The following GTF2IRD1 variants were observed in gnomAD, a reference collection of about 807,000 sequenced individuals.
GTF2IRD1 encodes GTF2I repeat domain containing 1.
In GTF2IRD1, 26 loss-of-function variants were observed where a neutral mutation model predicts 113.2. That is an observed-to-expected ratio of 0.23 (90% CI 0.17 to 0.32). The LOEUF (loss-of-function observed/expected upper bound fraction) is 0.32, where lower values mean the gene tolerates loss of function less well. Among genes scored for constraint, GTF2IRD1 ranks in the 10% least tolerant of loss-of-function variants. The pLI is 1.00. For missense variants in GTF2IRD1, 864 were observed against 1,280.8 expected (o/e 0.67, Z 4.97); for synonymous variants, 484 against 529.1 (o/e 0.91, Z 1.17).
intron 12 of GTF2IRD1, 58 bp from the exon 13 acceptor site, chr7:74,538,622 A>T: frequency 1.0e-6 from 1 of 971,418 alleles, no homozygotes; most frequent in Non-Finnish European, 1.7e-6. Context: ...GGAAAGAGTC[A>T]CTCTGCCCAG....
intron 2 of GTF2IRD1, among the ~76,000 whole-genome samples, chr7:74,508,738 C>T (rs1439554547): frequency 1.3e-5 from 2 of 151,902 alleles, no homozygotes; most frequent in East Asian, 1.9e-4. Context: ...ACTGGCTCTC[C>T]GCCCTCGTCC....
At chr7:74,580,333 C>T (rs186029740) in intron 22 of GTF2IRD1, among the ~76,000 whole-genome samples, 1 of 152,252 alleles carries the variant, frequency 6.6e-6, no homozygotes, top group East Asian at 1.9e-4. Flanking sequence ...AGTCTCTCCC[C>T]TCTAAACCGC....
intron 1 of GTF2IRD1, among the ~76,000 whole-genome samples, chr7:74,473,010 G>A (rs963645477): frequency 1.5e-4 from 23 of 152,292 alleles, no homozygotes; most frequent in East Asian, 7.7e-4. Flanking sequence ...GAGAGAGTGC[G>A]GTGAAGGCTG....
At chr7:74,455,132 T>G (rs1792879971) in intron 1 of GTF2IRD1, among the ~76,000 whole-genome samples, 1 of 152,116 alleles carries the variant, frequency 6.6e-6, no homozygotes, top group Non-Finnish European at 1.5e-5. Context: ...GGTCCTGCGG[T>G]GGGAGTCTCC....
At chr7:74,503,485 C>T (rs559053511) in intron 1 of GTF2IRD1, among the ~76,000 whole-genome samples, 25 of 152,030 alleles carry the variant, frequency 1.6e-4, no homozygotes, top group African/African-American at 5.1e-4. Flanking sequence ...GCTTTTAGGC[C>T]GGGCTGTAAT....
intron 1 of GTF2IRD1, among the ~76,000 whole-genome samples, chr7:74,491,741 A>G (rs938023531): frequency 9.9e-5 from 15 of 152,064 alleles, no homozygotes; most frequent in African/African-American, 3.6e-4. Context: ...ATGGGCATTT[A>G]GGTTGATTCC....
chr7:74,466,012 C>G (rs1383737636), intron 1 of GTF2IRD1, among the ~76,000 whole-genome samples: 2 of 152,232 alleles, frequency 1.3e-5, no homozygotes, highest in Non-Finnish European at 2.9e-5. Flanking sequence ...CTCAAGTGAT[C>G]CACCCGCCTT....
chr7:74,568,573 G>A lies in GTF2IRD1; in HGVS notation c.2320+8918G>A, dbSNP rs189903538. Reference sequence around the variant, plus strand: ...TGAGTCAGGAGAATGGCGTGAACCCGGGAGGCGGAACTTGCAGTGAGCCGA... The same window carrying A: ...TGAGTCAGGAGAATGGCGTGAACCCAGGAGGCGGAACTTGCAGTGAGCCGA... On this transcript the variant is annotated intron_variant, in intron 22 of 26. Transcript: ENST00000424337. Among the ~76,000 whole-genome samples, 355 of 152,186 alleles carry A rather than the reference G, an allele frequency of 2.3e-3. 1 individual carries two copies. The highest frequency in any genetic ancestry group is 8.1e-3 in the African/African-American group (336 of 41,526).
At chr7:74,558,110 C>A (rs1799709713) in intron 20 of GTF2IRD1, among the ~76,000 whole-genome samples, 1 of 151,704 alleles carries the variant, frequency 6.6e-6, no homozygotes, top group Admixed American at 6.6e-5. Context: ...CCCATCTCTA[C>A]CAAAAACACA....
Position 74,549,575 on chromosome 7 carries a change from C to T in GTF2IRD1, c.1916+2289C>T, listed in dbSNP as rs7793017. Among the ~76,000 whole-genome samples, 1,420 of 152,204 alleles carry T rather than the reference C, an allele frequency of 9.3e-3. 24 individuals carry two copies. Among genetic ancestry groups the T allele is most frequent in the African/African-American group, 0.033 (1,350 of 41,526 alleles). On this transcript the variant is annotated intron_variant, in intron 17 of 26. Transcript: ENST00000424337. ...TGGAGAGCAAGAGTCATGATTCGTG[C>T]AGTAGAAGCAAAGGCTTCAGCAGGC...
At chr7:74,481,963 G>A (rs947454577) in intron 1 of GTF2IRD1, among the ~76,000 whole-genome samples, 1 of 152,110 alleles carries the variant, frequency 6.6e-6, no homozygotes, top group Admixed American at 6.6e-5. Flanking sequence ...GAAACTCATG[G>A]CTGCTAGGCT....
At chr7:74,474,134 T>G (rs1236238621) in intron 1 of GTF2IRD1, among the ~76,000 whole-genome samples, 2 of 151,870 alleles carry the variant, frequency 1.3e-5, no homozygotes, top group East Asian at 3.9e-4. Flanking sequence ...TCCTATCTAT[T>G]TGGGAGGCTG....
rs193016101 is a variant in GTF2IRD1 at position 74,587,903 on chromosome 7, C to T, written c.2321-1948C>T. ...CTGGGCAGTGAGCAGGGAGAATGCA[C>T]GGCCCCCACACTCCCAGACACGGTC... is the stretch of plus-strand genomic sequence containing the variant. On this transcript the variant is annotated intron_variant, in intron 22 of 26. Transcript: ENST00000424337. Among the ~76,000 whole-genome samples, 257 of 152,194 alleles carry T rather than the reference C, an allele frequency of 1.7e-3. 1 individual carries two copies. The highest frequency in any genetic ancestry group is 5.8e-3 in the African/African-American group (239 of 41,526).
chr7:74,462,966 C>T (rs1215971819), intron 1 of GTF2IRD1, among the ~76,000 whole-genome samples: 1 of 152,194 alleles, frequency 6.6e-6, no homozygotes, highest in African/African-American at 2.4e-5. Flanking sequence ...GGGAGGGGAG[C>T]TGTCTGTGCC....
Position 74,519,641 on chromosome 7 carries a change from G to A in GTF2IRD1, c.838G>A (p.Ala280Thr), listed in dbSNP as rs782117839. ...LKQEAPSCPL[A>T]PSDLGLSRPM... ...GCAGGAAGCACCTTCCTGCCCCCTT[G>A]CCCCCAGCGACCTGGGCCTGAGTCG... The change falls in exon 6 of 27, where the codon GCC becomes ACC. Residue 280 changes from alanine (A) to threonine (T), a missense_variant. Around this residue, in one of 7 missense-constraint regions of GTF2IRD1, gnomAD observed 195 missense variants for 196.6 expected, o/e 0.99. Transcript: ENST00000424337. 6 of 1,610,638 alleles carry A rather than the reference G, an allele frequency of 3.7e-6. No homozygotes were observed. In the Admixed American group the frequency reaches 5.0e-5, roughly 13 times the overall value.
In GTF2IRD1 at chr7:74,555,786, A is replaced by T. The variant is rs1799555869; in HGVS notation, c.2023+292A>T. 6.6e-6 allele frequency among the ~76,000 whole-genome samples: 1 copy of T among 151,418 alleles called. No homozygotes were observed. Among genetic ancestry groups the T allele is most frequent in the South Asian group, 2.1e-4 (1 of 4,804 alleles). ...TAGCTGACACGCCCACTCCTTTTTCAGCAATCAGCTGTGGTCTTAGTGCTT... is the reference window on the plus strand; with the variant it reads ...TAGCTGACACGCCCACTCCTTTTTCTGCAATCAGCTGTGGTCTTAGTGCTT... On this transcript the variant is annotated intron_variant, in intron 19 of 26. Transcript: ENST00000424337. This position sits in a 1 kb window ranked among gnomAD's most constrained non-coding sequence, Gnocchi z 5.3.
intron 2 of GTF2IRD1, among the ~76,000 whole-genome samples, chr7:74,509,241 C>T (rs1354929366): frequency 6.6e-6 from 1 of 151,994 alleles, no homozygotes; most frequent in Admixed American, 6.6e-5. Context: ...CCTGTAATCC[C>T]AGCTACTCGG....
intron 22 of GTF2IRD1, among the ~76,000 whole-genome samples, chr7:74,567,339 G>GA (rs1288060009): frequency 5.8e-4 from 84 of 144,424 alleles, no homozygotes; most frequent in South Asian, 3.1e-3. Context: ...AAATAAAAAA[G>GA]AAAAAAAAAA....
chr7:74,460,078 C>T lies in GTF2IRD1; in HGVS notation c.-7+5902C>T, dbSNP rs1793264598. 3.3e-5 allele frequency among the ~76,000 whole-genome samples: 5 copies of T among 150,766 alleles called. No individual in the cohort carries two copies. In the South Asian group the frequency reaches 8.4e-4, roughly 25 times the overall value. On this transcript the variant is annotated intron_variant, in intron 1 of 26. Coordinates refer to ENST00000424337, the MANE Select transcript of GTF2IRD1 (RefSeq NM_005685.4). ...GCAGCTTCTCCCTCCCCGGCTCAAG[C>T]GATCCTTCTGGCTCAGTCTCCCAAG...
Sources: gnomAD v4.1 joint callset for allele counts (sites outside exome capture counted in the v4.1 genomes callset) on GRCh38, gnomAD v4.1.1 for gene constraint, gnomAD v4.1.1 regional missense constraint, Gnocchi (gnomAD v3.1) non-coding constraint, MANE v1.5 for transcripts, NCBI Gene and HGNC (gene_info 2026-07-23, HGNC 2026-07-21) for gene names.